MAF: variants seen among roughly 807,000 people sequenced by gnomAD.
MAF encodes the protein MAF bZIP transcription factor.
A neutral mutation model predicts 22.0 loss-of-function variants in MAF; 10 were observed. That is an observed-to-expected ratio of 0.45 (90% confidence interval 0.28 to 0.77). The LOEUF is 0.77. Ranked by LOEUF, MAF falls within the 30% of genes least tolerant of loss-of-function variation. The pLI is 0.12. For synonymous variants in MAF, 337 were observed against 255.8 expected (o/e 1.32, Z -3.03); for missense variants, 544 against 548.4 (o/e 0.99, Z 0.08).
chr16:79,556,457 G>A, the MAF span, among the ~76,000 whole-genome samples: 1 of 152,146 alleles, frequency 6.6e-6, no homozygotes, highest in Admixed American at 6.5e-5. Flanking sequence ...ACGGTCCCTG[G>A]CCATTGTTGC....
At chr16:79,494,251 T>C in the MAF span, among the ~76,000 whole-genome samples, 1 of 152,192 alleles carries the variant, frequency 6.6e-6, no homozygotes, top group Admixed American at 6.5e-5. Flanking sequence ...TAGCAAGCTA[T>C]GTTTCTTCCT....
chr16:79,390,229 T>C, the MAF span, among the ~76,000 whole-genome samples: 1 of 152,022 alleles, frequency 6.6e-6, no homozygotes, highest in Non-Finnish European at 1.5e-5. Context: ...TTTGGCAATA[T>C]TGCTTCTCTC....
chr16:79,381,484 G>T, the MAF span, among the ~76,000 whole-genome samples: 1 of 152,186 alleles, frequency 6.6e-6, no homozygotes, highest in Non-Finnish European at 1.5e-5. Context: ...GGCTAATGAC[G>T]GTGCCTAAAA....
At chr16:79,390,627 G>A in the MAF span, among the ~76,000 whole-genome samples, 1 of 152,150 alleles carries the variant, frequency 6.6e-6, no homozygotes, top group Non-Finnish European at 1.5e-5. Flanking sequence ...GCCCCAGAGT[G>A]TGCATTTACC....
the MAF span, among the ~76,000 whole-genome samples, chr16:79,468,369 T>A: frequency 5.9e-5 from 9 of 152,230 alleles, no homozygotes; most frequent in Admixed American, 2.6e-4. Flanking sequence ...AAATGCTGAC[T>A]CTGCTTAGAT....
chr16:79,599,122 A>G lies in MAF; in HGVS notation c.781T>C (p.Phe261Leu), dbSNP rs1374312220. The G allele has an allele frequency of 6.3e-7, 1 of 1,593,956 alleles. No individual in the cohort carries two copies. Among genetic ancestry groups the G allele is most frequent in the Non-Finnish European group, 8.5e-7 (1 of 1,176,312 alleles). Residue 261 changes from phenylalanine to leucine, a missense_variant, in exon 1 of 2, where the codon TTC (phenylalanine) becomes CTC (leucine). Coordinates refer to ENST00000326043, the MANE Select transcript of MAF (RefSeq NM_005360.5). ...ATGGTCACCAGCTGCTCGTCGGAGA[A>G]GCGGTCGTCGAAGTGCAGGCCGCCG... ...AAGGLHFDDRFSDEQLVTMSV... is the reference protein window; with the variant it reads ...AAGGLHFDDRLSDEQLVTMSV...
At chr16:79,517,743 T>A in the MAF span, among the ~76,000 whole-genome samples, 1 of 152,016 alleles carries the variant, frequency 6.6e-6, no homozygotes, top group African/African-American at 2.4e-5. Flanking sequence ...CCCGGCTAAT[T>A]TTTGTATTTT....
chr16:79,380,715 T>C, the MAF span, among the ~76,000 whole-genome samples: 2 of 152,236 alleles, frequency 1.3e-5, no homozygotes, highest in Non-Finnish European at 2.9e-5. Context: ...ATTAGCTCTG[T>C]TATACAGATG....
the MAF span, among the ~76,000 whole-genome samples, chr16:79,224,247 G>A: frequency 9.8e-4 from 149 of 152,192 alleles, no homozygotes; most frequent in African/African-American, 3.2e-3. Context: ...TAAACAGAAC[G>A]GATGATAAAA....
At chr16:79,419,173 T>C in the MAF span, among the ~76,000 whole-genome samples, 1 of 152,036 alleles carries the variant, frequency 6.6e-6, no homozygotes, top group Non-Finnish European at 1.5e-5. Flanking sequence ...GTAAGGGCAA[T>C]CATGGGGTGC....
the MAF span, chr16:79,212,560 C>G: frequency 6.0e-6 from 1 of 166,490 alleles, no homozygotes; most frequent in Non-Finnish European, 1.3e-5. Context: ...GTTAGTTAAT[C>G]CCTTTGTCTG....
chr16:79,381,128 G>A, the MAF span, among the ~76,000 whole-genome samples: 4 of 152,236 alleles, frequency 2.6e-5, no homozygotes, highest in African/African-American at 9.6e-5. Context: ...GCCAGCAGCT[G>A]CAGCTAGAGA....
At chr16:79,536,837 G>A in the MAF span, among the ~76,000 whole-genome samples, 1 of 152,156 alleles carries the variant, frequency 6.6e-6, no homozygotes, top group African/African-American at 2.4e-5. Flanking sequence ...GAAGATGTGT[G>A]TAAGTTATAT....
the MAF span, among the ~76,000 whole-genome samples, chr16:79,418,619 G>A: frequency 6.6e-6 from 1 of 152,194 alleles, no homozygotes; most frequent in Non-Finnish European, 1.5e-5. Flanking sequence ...ATGGAAAGCA[G>A]TTCTGGAAGT....
chr16:79,455,108 AAAAG>A, the MAF span, among the ~76,000 whole-genome samples: 1 of 151,866 alleles, frequency 6.6e-6, no homozygotes, highest in Non-Finnish European at 1.5e-5. Context: ...AAAAAAAAAA[AAAAG>A]AAAGAATTCC....
the MAF span, among the ~76,000 whole-genome samples, chr16:79,344,314 C>A: frequency 6.6e-6 from 1 of 152,208 alleles, no homozygotes; most frequent in African/African-American, 2.4e-5. Flanking sequence ...GGCGATTAGA[C>A]CCAAGTCACT....
chr16:79,412,513 T>G, the MAF span, among the ~76,000 whole-genome samples: 1 of 152,294 alleles, frequency 6.6e-6, no homozygotes, highest in African/African-American at 2.4e-5. Flanking sequence ...ACATTTGGGC[T>G]GGGTAACTGT....
At chr16:79,332,474 C>G in the MAF span, among the ~76,000 whole-genome samples, 1 of 152,092 alleles carries the variant, frequency 6.6e-6, no homozygotes, top group Non-Finnish European at 1.5e-5. Context: ...CTAATTTTTG[C>G]ATTTTTGTAG....
chr16:79,468,471 C>A, the MAF span, among the ~76,000 whole-genome samples: 6 of 152,202 alleles, frequency 3.9e-5, no homozygotes, highest in African/African-American at 1.4e-4. Context: ...GAGACCTGCT[C>A]TTGTTTGGCC....
Sources: gnomAD v4.1 joint callset for allele counts (sites outside exome capture counted in the v4.1 genomes callset) on GRCh38, gnomAD v4.1.1 for gene constraint, MANE v1.5 for transcripts, NCBI Gene and HGNC (gene_info 2026-07-23, HGNC 2026-07-21) for gene names.